MTCL1: variants seen among roughly 807,000 people sequenced by gnomAD.
MTCL1 encodes microtubule cross-linking factor 1.
A neutral mutation model predicts 141.4 loss-of-function variants in MTCL1; 79 were observed. The observed-to-expected ratio is 0.56, with a 90% CI of 0.47 to 0.67. The LOEUF (loss-of-function observed/expected upper bound fraction) is 0.67. Among genes scored for constraint, MTCL1 ranks in the 30% least tolerant of loss-of-function variants. The pLI is 0.00. For missense variants in MTCL1, 2,177 were observed against 2,113.9 expected, an observed-to-expected ratio of 1.03 and a Z score of -0.59; for synonymous variants, 914 against 875.8, an observed-to-expected ratio of 1.04 and a Z score of -0.77.
chr18:8,723,726 C>A (rs548863261), intron 4 of MTCL1, among the ~76,000 whole-genome samples: 33 of 152,310 alleles, frequency 2.2e-4, no homozygotes, highest in African/African-American at 7.9e-4. Context: ...GTCTCTGAGT[C>A]CTTTCAGTCC....
chr18:8,760,213 G>T (rs1016762562), intron 4 of MTCL1, among the ~76,000 whole-genome samples: 1 of 152,176 alleles, frequency 6.6e-6, no homozygotes, highest in Non-Finnish European at 1.5e-5. Flanking sequence ...TCTCCGAGAT[G>T]CAGTGCCGGG....
Position 8,817,447 on chromosome 18 carries a change from C to G in MTCL1, c.2860-1516C>G, listed in dbSNP as rs1598791823. Reference sequence around the variant, plus strand: ...GCTAACGTGTCAGCTTTGGCTGAATCAGACTCCATCTTTCTCAAAGGTAAA... The same window carrying G: ...GCTAACGTGTCAGCTTTGGCTGAATGAGACTCCATCTTTCTCAAAGGTAAA... On this transcript the variant is annotated intron_variant, in intron 12 of 16. Coordinates refer to ENST00000359865, the Ensembl canonical transcript of MTCL1. Among the ~76,000 whole-genome samples the G allele has an allele frequency of 2.6e-5, 4 of 152,196 alleles. No individual in the cohort carries two copies. In the East Asian group the frequency reaches 7.7e-4, roughly 29 times the overall value.
At chr18:8,717,776 C>T in intron 1 of MTCL1, 1 of 438,454 alleles carries the variant, frequency 2.3e-6, no homozygotes, top group Non-Finnish European at 3.0e-6. Flanking sequence ...CCTTGGGTTC[C>T]CCTGTATTCA....
At chr18:8,818,419 A>G (rs1389414959) in intron 12 of MTCL1, among the ~76,000 whole-genome samples, 1 of 152,172 alleles carries the variant, frequency 6.6e-6, no homozygotes, top group East Asian at 1.9e-4. Context: ...TCTCAAATAA[A>G]GTGTAAGTTA....
At chr18:8,765,364 A>G (rs2096454829) in intron 4 of MTCL1, among the ~76,000 whole-genome samples, 1 of 152,228 alleles carries the variant, frequency 6.6e-6, no homozygotes, top group African/African-American at 2.4e-5. Context: ...GGCTGAACAG[A>G]CGACTGATTG....
chr18:8,755,406 G>A (rs1216356529), intron 4 of MTCL1, among the ~76,000 whole-genome samples: 2 of 152,186 alleles, frequency 1.3e-5, no homozygotes, highest in Non-Finnish European at 2.9e-5. Flanking sequence ...GGGTGGTGGC[G>A]AGGTCGTTCT....
At chr18:8,795,022 T>G (rs1313658397) in intron 8 of MTCL1, among the ~76,000 whole-genome samples, 2 of 152,226 alleles carry the variant, frequency 1.3e-5, no homozygotes, top group African/African-American at 4.8e-5. Flanking sequence ...GCTGCCCTTG[T>G]GTCCACAGGG....
At chr18:8,734,816 A>T (rs1277876529) in intron 4 of MTCL1, among the ~76,000 whole-genome samples, 1 of 152,186 alleles carries the variant, frequency 6.6e-6, no homozygotes, top group African/African-American at 2.4e-5. Context: ...TGGCCCCTAC[A>T]TCAGACCCTG....
intron 4 of MTCL1, among the ~76,000 whole-genome samples, chr18:8,729,581 C>A (rs967492535): frequency 6.6e-6 from 1 of 151,026 alleles, no homozygotes; most frequent in African/African-American, 2.4e-5. Flanking sequence ...TGTAGAAAAT[C>A]TTTTGTAGAG....
intron 4 of MTCL1, among the ~76,000 whole-genome samples, chr18:8,758,417 G>T (rs560995224): frequency 6.6e-6 from 1 of 152,250 alleles, no homozygotes; most frequent in East Asian, 1.9e-4. Flanking sequence ...TGTTTCCTAG[G>T]TGGAAATAAT....
chr18:8,819,932 G>T (rs1166109368), intron 13 of MTCL1, among the ~76,000 whole-genome samples: 1 of 152,068 alleles, frequency 6.6e-6, no homozygotes, highest in Non-Finnish European at 1.5e-5. Context: ...TGAAATAATA[G>T]TACAGTCTTC....
chr18:8,785,840 C>A, intron 6 of MTCL1, 96 bp from the exon 6 acceptor site: 1 of 1,454,988 alleles, frequency 6.9e-7, no homozygotes. Context: ...TTCTTTATCC[C>A]CCCTCCCTGC....
intron 6 of MTCL1, 125 bp from the exon 6 acceptor site, chr18:8,785,811 T>TAGA: frequency 8.6e-7 from 1 of 1,162,434 alleles, no homozygotes; most frequent in Admixed American, 2.8e-5. Context: ...CTCAGTCGTC[T>TAGA]CCCTTGTCCA....
intron 4 of MTCL1, among the ~76,000 whole-genome samples, chr18:8,733,487 C>G (rs1312097290): frequency 5.5e-4 from 83 of 152,158 alleles, no homozygotes; most frequent in African/African-American, 1.9e-3. Context: ...CTCACTGCAA[C>G]CTTTGCCTCC....
In MTCL1 at chr18:8,705,877, G is replaced by A; in HGVS notation, c.217G>A (p.Ala73Thr). The change falls in exon 1 of 14, where the codon GCC becomes ACC. Residue 73 changes from alanine to threonine, a missense_variant. Transcript: ENST00000306329. The surrounding 1 kb of genome is among the most constrained non-coding windows in gnomAD (Gnocchi z 5.2). Reference sequence around the variant, plus strand: ...CTCCTCGGGCCGAGCCCCGGCTCCCGCCGCCCCGCGCTCGCCCAACCTCGC... The same window carrying A: ...CTCCTCGGGCCGAGCCCCGGCTCCCACCGCCCCGCGCTCGCCCAACCTCGC... The A allele has an allele frequency of 8.9e-7, 1 of 1,120,812 alleles. No individual in the cohort carries two copies. 69.4% of individuals were successfully genotyped at this position (1,120,812 alleles called of 1,614,324 possible).
At chr18:8,757,529 C>T (rs1218659322) in intron 4 of MTCL1, among the ~76,000 whole-genome samples, 5 of 152,088 alleles carry the variant, frequency 3.3e-5, no homozygotes, top group East Asian at 1.9e-4. Context: ...GCTGGGGAGC[C>T]GGGAGACCTG....
chr18:8,798,789 T>C (rs1005847949), intron 10 of MTCL1, among the ~76,000 whole-genome samples: 1 of 152,222 alleles, frequency 6.6e-6, no homozygotes, highest in Non-Finnish European at 1.5e-5. Context: ...ACTTCAGTGT[T>C]ATTAAGTAGC....
At chr18:8,777,839 C>G in exon 5 of MTCL1, 1 of 1,613,802 alleles carries the variant, frequency 6.2e-7, no homozygotes. Context: ...TCAGAGTTCC[C>G]TAAAAAGAAG....
rs1343462785 is a variant in MTCL1, at chr18:8,810,136, A to C, written c.2605-2843A>C. The C allele has an allele frequency of 6.5e-6, 1 of 152,862 alleles. No homozygotes were observed. Among genetic ancestry groups the C allele is most frequent in the African/African-American group, 2.4e-5 (1 of 41,462 alleles). The allele number at this position is 152,862 out of a possible 1,614,324, so 9.5% of individuals were successfully genotyped here. A position where few individuals can be genotyped will look rare whatever the true frequency, so the allele number is the denominator to read the frequency against. On this transcript the variant is annotated intron_variant, in intron 11 of 16. Transcript: ENST00000359865. The surrounding 1 kb of genome is among the most constrained non-coding windows in gnomAD (Gnocchi z 5.0). ...AGGACAGGACAGATGAAGGATAAAA[A>C]GTTCTGTTGAACTTGGCAGTGAGGA... is the stretch of plus-strand genomic sequence containing the variant.
Sources: gnomAD v4.1 joint callset for allele counts (sites outside exome capture counted in the v4.1 genomes callset) on GRCh38, gnomAD v4.1.1 for gene constraint, Gnocchi (gnomAD v3.1) non-coding constraint, MANE v1.5 for transcripts, NCBI Gene and HGNC (gene_info 2026-07-23, HGNC 2026-07-21) for gene names.